The following ST7L variants were observed in gnomAD, a reference collection of about 807,000 sequenced individuals.
The protein encoded by ST7L is suppressor of tumorigenicity 7 protein-like.
In ST7L, 57 loss-of-function variants were observed where a neutral mutation model predicts 72.5. The observed-to-expected ratio is 0.79, with a 90% CI of 0.64 to 0.98. The LOEUF (loss-of-function observed/expected upper bound fraction) is 0.98, where lower values mean the gene tolerates loss of function less well. ST7L is among the 50% of genes least tolerant of loss of function. ST7L has a pLI of 0.00. For missense variants in ST7L, 576 were observed against 672.2 expected (o/e 0.86, Z 1.58); for synonymous variants, 221 against 240.9 (o/e 0.92, Z 0.77).
intron 9 of ST7L, among the ~76,000 whole-genome samples, chr1:112,578,783 AC>A (rs1325249292): frequency 6.6e-6 from 1 of 152,210 alleles, no homozygotes; most frequent in African/African-American, 2.4e-5. Context: ...TCCAAAAAAA[AC>A]AAAACAAAAC....
chr1:112,584,274 T>C, intron 6 of ST7L, 148 bp from the exon 7 acceptor site: 1 of 695,620 alleles, frequency 1.4e-6, no homozygotes, highest in Non-Finnish European at 2.2e-6. Context: ...TATTTTACCT[T>C]AATAGGGGCA....
chr1:112,612,223 G>A (rs1038890069), intron 2 of ST7L, among the ~76,000 whole-genome samples: 5 of 151,792 alleles, frequency 3.3e-5, no homozygotes, highest in African/African-American at 4.8e-5. Flanking sequence ...TCAGCCTCCC[G>A]TGTAGCTAGG....
rs536459382 is a variant in ST7L, at chr1:112,571,482, A to T, written c.1245+5504T>A. 1.5e-4 allele frequency: 39 copies of T among 264,594 alleles called. No homozygotes were observed. In the Admixed American group the frequency reaches 1.8e-3, roughly 12 times the overall value. The allele number at this position is 264,594 out of a possible 1,614,324, so 16.4% of individuals were successfully genotyped here. A position where few individuals can be genotyped will look rare whatever the true frequency, so the allele number is the denominator to read the frequency against. ...CGCTCTTGTTGCCCAGGCAGAGTACAATGGCATGATCTTGGCTCACTGCAA... is the reference window on the plus strand; with the variant it reads ...CGCTCTTGTTGCCCAGGCAGAGTACTATGGCATGATCTTGGCTCACTGCAA... On this transcript the variant is annotated intron_variant, in intron 11 of 14. Transcript: ENST00000358039.
intron 14 of ST7L, among the ~76,000 whole-genome samples, chr1:112,537,051 A>G (rs968579080): frequency 2.6e-5 from 4 of 151,608 alleles, no homozygotes; most frequent in African/African-American, 9.7e-5. Context: ...GCTGGAGTGC[A>G]GCGACGCGAT....
chr1:112,537,480 T>G (rs1655405596), intron 14 of ST7L, among the ~76,000 whole-genome samples: 1 of 152,132 alleles, frequency 6.6e-6, no homozygotes, highest in African/African-American at 2.4e-5. Context: ...CAAGAGAAAT[T>G]AAAGGGGCCA....
rs1370193182 is a variant in ST7L, at chr1:112,568,857, T to TATAAATATAA, written c.1245+8128_1245+8129insTTATATTTAT. Among the ~76,000 whole-genome samples, 85 of 80,426 alleles carry TATAAATATAA rather than the reference T, an allele frequency of 1.1e-3. 1 individual carries two copies. Among genetic ancestry groups the TATAAATATAA allele is most frequent in the South Asian group, 3.3e-3 (10 of 2,992 alleles). 52.8% of individuals were successfully genotyped at this position (80,426 alleles called of 152,430 possible). A position where few individuals can be genotyped will look rare whatever the true frequency, so the allele number is the denominator to read the frequency against. On this transcript the variant is annotated intron_variant, in intron 11 of 14. Coordinates refer to ENST00000358039, the MANE Select transcript of ST7L (RefSeq NM_017744.5). ...AGACCCTGTTTTTTATAAATATAAA[T>TATAAATATAA]ATAAATATATATATATATATATATA...
At chr1:112,545,451 A>G (rs746390285) in intron 13 of ST7L, among the ~76,000 whole-genome samples, 1 of 152,152 alleles carries the variant, frequency 6.6e-6, no homozygotes, top group Non-Finnish European at 1.5e-5. Flanking sequence ...ACTCTTGCAT[A>G]TTGATGTTCC....
At chr1:112,594,855 T>C (rs1241613416) in intron 5 of ST7L, among the ~76,000 whole-genome samples, 1 of 152,180 alleles carries the variant, frequency 6.6e-6, no homozygotes, top group Non-Finnish European at 1.5e-5. Flanking sequence ...CTCTAAGGAT[T>C]TGACAGAAAT....
chr1:112,547,722 C>T (rs1232800528), intron 13 of ST7L, among the ~76,000 whole-genome samples: 3 of 151,032 alleles, frequency 2.0e-5, no homozygotes, highest in Non-Finnish European at 2.9e-5. Flanking sequence ...GCCACCATGC[C>T]GGGCTAATTT....
intron 6 of ST7L, among the ~76,000 whole-genome samples, chr1:112,585,960 C>A (rs1050036748): frequency 2.0e-4 from 30 of 152,240 alleles, no homozygotes; most frequent in African/African-American, 7.0e-4. Context: ...AGGTAGCTAT[C>A]GTTAAGTGGG....
At chr1:112,618,615 ACT>A (rs1193713949) in intron 1 of ST7L, among the ~76,000 whole-genome samples, 1 of 152,070 alleles carries the variant, frequency 6.6e-6, no homozygotes, top group Non-Finnish European at 1.5e-5. Flanking sequence ...AATCTGAGAC[ACT>A]CTTCTGTCCT....
At chr1:112,540,472 T>C in intron 14 of ST7L, 1 of 985,432 alleles carries the variant, frequency 1.0e-6, no homozygotes. Flanking sequence ...TGAAAAGAAA[T>C]AGAATAGTCA....
chr1:112,583,115 G>A (rs1664377460), intron 7 of ST7L, among the ~76,000 whole-genome samples: 1 of 152,028 alleles, frequency 6.6e-6, no homozygotes, highest in South Asian at 2.1e-4. Flanking sequence ...CCACAGATTT[G>A]TGTTATAAAA....
chr1:112,598,914 G>T (rs1309533843), intron 4 of ST7L, among the ~76,000 whole-genome samples: 1 of 150,640 alleles, frequency 6.6e-6, no homozygotes, highest in Non-Finnish European at 1.5e-5. Context: ...ACAAAAATTA[G>T]CCGCATGTGG....
intron 14 of ST7L, chr1:112,539,899 T>C (rs1228168823): frequency 1.0e-6 from 1 of 985,408 alleles, no homozygotes; most frequent in Non-Finnish European, 1.2e-6. Flanking sequence ...CTATATACCA[T>C]CACCTATACA....
intron 2 of ST7L, 51 bp from the exon 3 acceptor site, chr1:112,611,054 G>A: frequency 6.4e-7 from 1 of 1,569,014 alleles, no homozygotes; most frequent in Non-Finnish European, 8.7e-7. Context: ...GCAGATACAT[G>A]AGCTCAAATT....
intron 11 of ST7L, among the ~76,000 whole-genome samples, chr1:112,574,968 G>A (rs1287596361): frequency 6.6e-6 from 1 of 152,028 alleles, no homozygotes; most frequent in East Asian, 1.9e-4. Flanking sequence ...GCTGGGCGCG[G>A]TGGCTTATGC....
intron 11 of ST7L, among the ~76,000 whole-genome samples, chr1:112,566,774 T>C (rs1184994784): frequency 6.6e-6 from 1 of 152,244 alleles, no homozygotes; most frequent in Admixed American, 6.5e-5. Context: ...TGTCATATTT[T>C]TGGTTTCATT....
At chr1:112,619,665 GGGGCGC>G (rs936427554), upstream of ST7L, 30 of 595,054 alleles carry the variant, frequency 5.0e-5, no homozygotes, top group Admixed American at 9.0e-5. Flanking sequence ...CCTACTTCCT[GGGGCGC>G]GGGCGCGGGC....
Sources: gnomAD v4.1 joint callset for allele counts (sites outside exome capture counted in the v4.1 genomes callset) on GRCh38, gnomAD v4.1.1 for gene constraint, MANE v1.5 for transcripts, NCBI Gene and HGNC (gene_info 2026-07-23, HGNC 2026-07-21) for gene names.